The following LAMA3 variants were observed in gnomAD, a reference collection of about 807,000 sequenced individuals.
LAMA3 encodes laminin subunit alpha-3.
A neutral mutation model predicts 402.0 loss-of-function variants in LAMA3; 281 were observed. The ratio of observed to expected loss-of-function variants is 0.70; its 90% CI spans 0.63 to 0.77. LAMA3 has a LOEUF of 0.77. Ranked by LOEUF, LAMA3 falls within the 30% of genes least tolerant of loss-of-function variation. LAMA3 has a pLI of 0.00. For missense variants in LAMA3, 3,840 were observed against 4,215.5 expected, an observed-to-expected ratio of 0.91 and a Z score of 2.47; for synonymous variants, 1,431 against 1,558.4, an observed-to-expected ratio of 0.92 and a Z score of 1.93.
intron 39 of LAMA3, 97 bp downstream of exon 39, chr18:23,876,504 C>A: frequency 1.3e-6 from 1 of 790,754 alleles, no homozygotes; most frequent in Non-Finnish European, 2.2e-6. Flanking sequence ...CATCTCCCGC[C>A]AAACCCTAAA....
Position 23,885,470 on chromosome 18 carries a change from G to A in LAMA3, c.5303+617G>A, listed in dbSNP as rs114255486. ...GTACTGTTCACATAATAGGTGTTCG[G>A]TAATGTTTGTGAAACAAAATAATAA... On this transcript the variant is annotated intron_variant, in intron 41 of 74. Coordinates refer to ENST00000313654, the MANE Select transcript of LAMA3 (RefSeq NM_198129.4). Among the ~76,000 whole-genome samples, 339 of 151,868 alleles carry A rather than the reference G, an allele frequency of 2.2e-3. 2 individuals carry two copies. The highest frequency in any genetic ancestry group is 7.8e-3 in the African/African-American group (324 of 41,396).
rs148440598 is a variant in LAMA3 at position 23,883,202 on chromosome 18, T to C, written c.5222+1157T>C. Among the ~76,000 whole-genome samples, 1,000 of 152,272 alleles carry C rather than the reference T, an allele frequency of 6.6e-3. 10 individuals carry two copies. The highest frequency in any genetic ancestry group is 7.7e-3 in the Non-Finnish European group (526 of 68,012). On this transcript the variant is annotated intron_variant, in intron 40 of 74. Coordinates refer to ENST00000313654, the MANE Select transcript of LAMA3 (RefSeq NM_198129.4). Reference sequence around the variant, plus strand: ...AGGCTGTGGTCAAGCATCTGGATCTTATCCTCAGTGCGATGGAAATTTTGG... The same window carrying C: ...AGGCTGTGGTCAAGCATCTGGATCTCATCCTCAGTGCGATGGAAATTTTGG...
chr18:23,850,962 A>G (rs1598919610), intron 32 of LAMA3, among the ~76,000 whole-genome samples: 2 of 152,244 alleles, frequency 1.3e-5, no homozygotes, highest in East Asian at 3.8e-4. Flanking sequence ...ATGCCTTTTC[A>G]GAAGGGTAGT....
intron 12 of LAMA3, among the ~76,000 whole-genome samples, chr18:23,795,449 C>A (rs2062743884): frequency 6.6e-6 from 1 of 152,188 alleles, no homozygotes; most frequent in East Asian, 1.9e-4. Flanking sequence ...GTCTAATATA[C>A]CTGCTTCATT....
intron 32 of LAMA3, among the ~76,000 whole-genome samples, chr18:23,857,004 G>T (rs1326803375): frequency 6.6e-6 from 1 of 152,138 alleles, no homozygotes; most frequent in Non-Finnish European, 1.5e-5. Context: ...CTTAACAGCT[G>T]TTCATGTTGC....
intron 2 of LAMA3, among the ~76,000 whole-genome samples, chr18:23,723,773 A>C (rs2061252167): frequency 1.3e-5 from 2 of 152,144 alleles, no homozygotes; most frequent in African/African-American, 4.8e-5. Context: ...CCAACCTAGG[A>C]GGGTTCTTGT....
intron 67 of LAMA3, among the ~76,000 whole-genome samples, chr18:23,934,528 G>A (rs1289679699): frequency 1.3e-5 from 2 of 152,186 alleles, no homozygotes; most frequent in Non-Finnish European, 2.9e-5. Flanking sequence ...GCAGAACATT[G>A]TGATGAGTTG....
intron 23 of LAMA3, 146 bp from the exon 24 acceptor site, chr18:23,833,682 C>T (rs1178422254): frequency 3.7e-6 from 3 of 812,304 alleles, no homozygotes; most frequent in Non-Finnish European, 6.3e-6. Context: ...GGCATCTCAA[C>T]CTGTAGGACC....
intron 11 of LAMA3, 30 bp from the exon 12 acceptor site, chr18:23,783,993 C>A: frequency 6.2e-7 from 1 of 1,613,610 alleles, no homozygotes; most frequent in South Asian, 1.1e-5. Context: ...AAGATGGAGA[C>A]CCCTTCTGAA....
chr18:23,817,771 T>G (rs2063205711), intron 18 of LAMA3, among the ~76,000 whole-genome samples: 1 of 152,044 alleles, frequency 6.6e-6, no homozygotes, highest in Non-Finnish European at 1.5e-5. Flanking sequence ...AGTTGGGGGC[T>G]TGGAGTAAAA....
Position 23,928,308 on chromosome 18 carries a change from G to A in LAMA3, c.8295+68G>A, listed in dbSNP as rs764080761. On this transcript the variant is annotated intron_variant, in intron 63 of 74. Transcript: ENST00000313654. The stretch of plus-strand genomic sequence containing the variant: ...CAACCCACCTTCCGTATCCATTAAC[G>A]CAGCAACTTTTGACTTCTTTCTGAT... 483 of 1,013,090 alleles carry A rather than the reference G, an allele frequency of 4.8e-4. 7 individuals carry two copies. The highest frequency in any genetic ancestry group is 9.5e-5 in the Non-Finnish European group (61 of 643,782). The allele number at this position is 1,013,090 out of a possible 1,614,324, so 62.8% of individuals were successfully genotyped here.
Position 23,907,882 on chromosome 18 carries a change from G to C in LAMA3, c.6962G>C (p.Gly2321Ala). The C allele has an allele frequency of 6.2e-7, 1 of 1,614,074 alleles. No individual in the cohort carries two copies. The highest frequency in any genetic ancestry group is 1.3e-5 in the African/African-American group (1 of 75,018). The change falls in exon 54 of 75, where the codon GGG becomes GCG. Residue 2321 changes from glycine (G) to alanine (A), a missense_variant. Coordinates refer to ENST00000313654, the MANE Select transcript of LAMA3 (RefSeq NM_198129.4). The part of the protein sequence containing the change: ...TDVERIKDTY[G>A]RTQNEDFKKA... ...GTGGAAAGAATTAAGGACACCTATGGGAGGACACAGAACGAAGACTTCAAA... is the reference window on the plus strand; with the variant it reads ...GTGGAAAGAATTAAGGACACCTATGCGAGGACACAGAACGAAGACTTCAAA...
intron 8 of LAMA3, among the ~76,000 whole-genome samples, chr18:23,767,119 A>C (rs2062091640): frequency 6.6e-6 from 1 of 152,162 alleles, no homozygotes; most frequent in Admixed American, 6.5e-5. Flanking sequence ...AACTGCAAAA[A>C]ACAAACAATA....
intron 18 of LAMA3, among the ~76,000 whole-genome samples, chr18:23,819,562 T>G (rs2063242927): frequency 6.6e-6 from 1 of 152,226 alleles, no homozygotes; most frequent in Non-Finnish European, 1.5e-5. Flanking sequence ...GGCAACTATT[T>G]AGAACATACT....
At chr18:23,851,624 C>T (rs1200525064) in intron 32 of LAMA3, among the ~76,000 whole-genome samples, 2 of 152,180 alleles carry the variant, frequency 1.3e-5, no homozygotes, top group Non-Finnish European at 1.5e-5. Context: ...TGTCTGCCTT[C>T]CTCCCTCTAT....
At chr18:23,692,170 G>A (rs1568080528) in intron 1 of LAMA3, among the ~76,000 whole-genome samples, 1 of 152,144 alleles carries the variant, frequency 6.6e-6, no homozygotes, top group African/African-American at 2.4e-5. Flanking sequence ...CCCATCCTTC[G>A]GTTAGCCTAA....
intron 39 of LAMA3, among the ~76,000 whole-genome samples, chr18:23,881,418 G>A (rs1312185559): frequency 6.6e-6 from 1 of 152,134 alleles, no homozygotes; most frequent in Non-Finnish European, 1.5e-5. Context: ...TAGGTGAACC[G>A]TGAAGTAAAA....
chr18:23,943,042 G>T (rs546418791), intron 68 of LAMA3, among the ~76,000 whole-genome samples: 3 of 152,180 alleles, frequency 2.0e-5, no homozygotes, highest in South Asian at 2.1e-4. Context: ...GAAAGGAAAG[G>T]CTTCTTTGAT....
Position 23,836,471 on chromosome 18 carries a change from G to A in LAMA3, c.2985-510G>A, listed in dbSNP as rs531451879. Among the ~76,000 whole-genome samples, 14 of 152,286 alleles carry A rather than the reference G, an allele frequency of 9.2e-5. No individual in the cohort carries two copies. The East Asian group carries it at 2.7e-3, about 29-fold the overall frequency. On this transcript the variant is annotated intron_variant, in intron 24 of 74. Transcript: ENST00000313654. Reference sequence around the variant, plus strand: ...CCCTGAACTCTGTATCTCACTTGATGTGATGGAGGGAAGAGATACCACAGG... The same window carrying A: ...CCCTGAACTCTGTATCTCACTTGATATGATGGAGGGAAGAGATACCACAGG...
Sources: gnomAD v4.1 joint callset for allele counts (sites outside exome capture counted in the v4.1 genomes callset) on GRCh38, gnomAD v4.1.1 for gene constraint, MANE v1.5 for transcripts, NCBI Gene and HGNC (gene_info 2026-07-23, HGNC 2026-07-21) for gene names.